AKAP9: variants seen among roughly 807,000 people sequenced by gnomAD.
The protein encoded by AKAP9 is A-kinase anchor protein 9.
In AKAP9, 311 loss-of-function variants were observed where a neutral mutation model predicts 488.5. The observed-to-expected ratio is 0.64, with a 90% CI of 0.58 to 0.70. The LOEUF (loss-of-function observed/expected upper bound fraction) is 0.70. Ranked by LOEUF, AKAP9 falls within the 30% of genes least tolerant of loss-of-function variation. AKAP9 has a pLI of 0.00. For missense variants in AKAP9, 4,215 were observed against 4,374.5 expected (o/e 0.96, Z 1.03); for synonymous variants, 1,462 against 1,483.5 (o/e 0.99, Z 0.33).
chr7:91,959,599 A>C (rs541594265), intron 1 of AKAP9, among the ~76,000 whole-genome samples: 1 of 152,364 alleles, frequency 6.6e-6, no homozygotes, highest in African/African-American at 2.4e-5. Flanking sequence ...ATTATTTTCC[A>C]ACAAACATTT....
Position 92,106,992 on chromosome 7 carries a change from C to G in AKAP9, c.11417-301C>G, listed in dbSNP as rs116481253. Among the ~76,000 whole-genome samples, 3,361 of 152,252 alleles carry G rather than the reference C, an allele frequency of 0.022. 142 individuals carry two copies. Among genetic ancestry groups the G allele is most frequent in the African/African-American group, 0.077 (3,204 of 41,524 alleles). On this transcript the variant is annotated intron_variant, in intron 47 of 49. Transcript: ENST00000356239. The stretch of plus-strand genomic sequence containing the variant: ...CCACACCCACTCAGACACCCCTCAC[C>G]TCTCATCTACTTAGAGCTAAGGTCT...
At chr7:91,955,695 A>G (rs1044768654) in intron 1 of AKAP9, among the ~76,000 whole-genome samples, 1 of 152,198 alleles carries the variant, frequency 6.6e-6, no homozygotes, top group Non-Finnish European at 1.5e-5. Flanking sequence ...ACTAAGTGAC[A>G]TGATCTTGGC....
In AKAP9 at chr7:92,022,724, G is replaced by A. The variant is rs1802494114; in HGVS notation, c.3953-90G>A. 3.4e-6 allele frequency: 3 copies of A among 878,714 alleles called. No individual in the cohort carries two copies. The Admixed American group carries it at 8.1e-5, about 24-fold the overall frequency. The allele number at this position is 878,714 out of a possible 1,614,324, so 54.4% of individuals were successfully genotyped here. On this transcript the variant is annotated intron_variant, in intron 13 of 49. Transcript: ENST00000356239. ...ACTAAAAACATACTTTTTCAAAAAA[G>A]AATTAATATTTTCTGTACACAGTGA... is the stretch of plus-strand genomic sequence containing the variant.
At chr7:91,971,560 CTT>C (rs71107844) in intron 1 of AKAP9, among the ~76,000 whole-genome samples, 3 of 68,558 alleles carry the variant, frequency 4.4e-5, no homozygotes, top group South Asian at 1.3e-3. Flanking sequence ...ACATCTATTT[CTT>C]TTTTTTTTTT....
intron 16 of AKAP9, among the ~76,000 whole-genome samples, chr7:92,033,037 T>C (rs1804547166): frequency 6.6e-6 from 1 of 152,216 alleles, no homozygotes; most frequent in African/African-American, 2.4e-5. Context: ...TTCAATGAGC[T>C]AATGCATATA....
Position 92,079,431 on chromosome 7 carries a change from T to G in AKAP9, c.7298T>G (p.Leu2433Ter). ...CAGCTAACACAGGAATTATTCAGCT[T>G]AAAGAGAGAACGTGAAAGTGTGGAA... is the stretch of plus-strand genomic sequence containing the variant. ...MNQLTQELFS[L>*]KRERESVEKI... Residue 2433 changes from leucine (L) to a stop codon, truncating the protein, a stop_gained, in exon 31 of 50, where the codon TTA becomes TGA. Coordinates refer to ENST00000356239, the MANE Select transcript of AKAP9 (RefSeq NM_005751.5). LOFTEE classifies it high-confidence loss of function. 1 of 1,614,078 alleles carries G rather than the reference T, an allele frequency of 6.2e-7. No homozygotes were observed.
intron 31 of AKAP9, 44 bp downstream of exon 31, chr7:92,080,196 A>T (rs1297536637): frequency 1.4e-6 from 2 of 1,394,604 alleles, no homozygotes; most frequent in Non-Finnish European, 1.9e-6. Context: ...ACCCCAAGAA[A>T]CTAAGCTGAT....
chr7:91,944,446 G>T (rs942667053), intron 1 of AKAP9, among the ~76,000 whole-genome samples: 2 of 151,376 alleles, frequency 1.3e-5, no homozygotes, highest in Non-Finnish European at 2.9e-5. Context: ...GAGTGCAGTG[G>T]CAGGATCTTG....
chr7:92,013,400 T>C (rs6944591), intron 9 of AKAP9, among the ~76,000 whole-genome samples: 63,044 of 151,888 alleles, frequency 0.42, 13,552 homozygotes, highest in African/African-American at 0.51. Context: ...GTTGGGGTTA[T>C]AGCTGGAGAG....
chr7:92,069,919 A>AT (rs1242728869), intron 26 of AKAP9, 111 bp from the exon 27 acceptor site: 2 of 960,956 alleles, frequency 2.1e-6, no homozygotes, highest in African/African-American at 3.3e-5. Flanking sequence ...AACGTTTCAG[A>AT]TTTTGGAGCA....
In AKAP9 at chr7:91,994,680, T is replaced by C; in HGVS notation, c.636T>C (p.Ala212=). ...ATGGCATTATAACCCAGCTCACTGC[T>C]AATTTACAACAAGCAAGAAGAGAAA... The part of the protein sequence containing the change: ...QRDGIITQLT[A]NLQQARREKD... Residue 212 remains alanine, a synonymous_variant, in exon 6 of 50, where the codon GCT becomes GCC. Coordinates refer to ENST00000356239, the MANE Select transcript of AKAP9 (RefSeq NM_005751.5). 2 of 1,613,440 alleles carry C rather than the reference T, an allele frequency of 1.2e-6. No homozygotes were observed. The highest frequency in any genetic ancestry group is 1.1e-5 in the South Asian group (1 of 90,958).
chr7:92,099,515 C>A (rs1436408320), intron 43 of AKAP9, among the ~76,000 whole-genome samples, 172 bp from the exon 44 acceptor site: 1 of 152,168 alleles, frequency 6.6e-6, no homozygotes, highest in Non-Finnish European at 1.5e-5. Context: ...GTGCCTTTTG[C>A]TTAATATGCC....
intron 22 of AKAP9, among the ~76,000 whole-genome samples, chr7:92,054,512 G>T (rs1481562773): frequency 1.3e-5 from 2 of 152,010 alleles, no homozygotes; most frequent in African/African-American, 4.8e-5. Context: ...GTGTGGTGGG[G>T]ACCAAGTAAA....
At chr7:92,058,077 T>A (rs998378066) in intron 22 of AKAP9, 8 of 491,930 alleles carry the variant, frequency 1.6e-5, no homozygotes, top group African/African-American at 1.6e-4. Flanking sequence ...TTTATACTGC[T>A]ATGGTAGATC....
At chr7:92,068,003 G>T (rs1811029401) in intron 26 of AKAP9, among the ~76,000 whole-genome samples, 1 of 152,082 alleles carries the variant, frequency 6.6e-6, no homozygotes, top group Non-Finnish European at 1.5e-5. Context: ...GAAAGCCGAA[G>T]AAGTACAGAG....
intron 48 of AKAP9, 73 bp from the exon 49 acceptor site, chr7:92,108,421 G>A (rs1210369260): frequency 1.0e-5 from 15 of 1,504,360 alleles, no homozygotes; most frequent in Non-Finnish European, 1.3e-5. Flanking sequence ...GGGGAAGGGA[G>A]TGGAGGCAGG....
In AKAP9 at chr7:92,082,477, A is replaced by G. The variant is rs2079082; in HGVS notation, c.8020-45A>G. 617,265 of 1,593,902 alleles carry G rather than the reference A, an allele frequency of 0.39. 121,548 individuals carry two copies. Among genetic ancestry groups the G allele is most frequent in the African/African-American group, 0.47 (34,859 of 74,354 alleles). Reference sequence around the variant, plus strand: ...GTATAAGAGCCTTGAATTTAGCTATATTTTTTTTAAATTATGTGTTTCTTG... The same window carrying G: ...GTATAAGAGCCTTGAATTTAGCTATGTTTTTTTTAAATTATGTGTTTCTTG... On this transcript the variant is annotated intron_variant, in intron 31 of 49. Transcript: ENST00000356239.
chr7:92,075,302 G>A (rs1010304500), intron 28 of AKAP9, among the ~76,000 whole-genome samples: 1 of 152,218 alleles, frequency 6.6e-6, no homozygotes, highest in African/African-American at 2.4e-5. Flanking sequence ...AACTATTTAT[G>A]TGTTGATTTT....
intron 21 of AKAP9, among the ~76,000 whole-genome samples, chr7:92,049,616 AAATAAT>A (rs1054149801): frequency 3.3e-5 from 5 of 152,012 alleles, no homozygotes; most frequent in Admixed American, 6.6e-5. Flanking sequence ...ATCTCAAAAA[AAATAAT>A]AATAATAAAA....
Sources: gnomAD v4.1 joint callset for allele counts (sites outside exome capture counted in the v4.1 genomes callset) on GRCh38, gnomAD v4.1.1 for gene constraint, MANE v1.5 for transcripts, NCBI Gene and HGNC (gene_info 2026-07-23, HGNC 2026-07-21) for gene names.